DLGAP1: variants seen among roughly 807,000 people sequenced by gnomAD.
DLGAP1 encodes the protein DLG associated protein 1.
Under a neutral mutation model 90.8 loss-of-function variants are expected in DLGAP1, and 11 were observed. That is an observed-to-expected ratio of 0.12 (90% CI 0.08 to 0.20). The LOEUF is 0.20. Among genes scored for constraint, DLGAP1 ranks in the 10% least tolerant of loss-of-function variants. DLGAP1 has a pLI of 1.00. For missense variants in DLGAP1, 1,050 were observed against 1,333.8 expected (o/e 0.79, Z 3.31); for synonymous variants, 558 against 540.7 (o/e 1.03, Z -0.44).
Position 3,879,377 on chromosome 18 carries a change from G to C in DLGAP1, c.692C>G (p.Ser231Trp). The change falls in exon 4 of 13, where the codon TCG (serine) becomes TGG (tryptophan). Residue 231 changes from serine to tryptophan, a missense_variant. Transcript: ENST00000315677. The surrounding 1 kb of genome is among the most constrained non-coding windows in gnomAD (Gnocchi z 6.6). ...VMTMGRCPDR[S>W]ASQYFLEAYN... ...GGCCTCCAGGAAGTACTGTGAGGCC[G>C]AGCGGTCGGGGCACCTGCCCATGGT... 6.2e-7 allele frequency: 1 copy of C among 1,613,368 alleles called. No homozygotes were observed. The highest frequency in any genetic ancestry group is 8.5e-7 in the Non-Finnish European group (1 of 1,179,914).
chr18:4,128,460 ACTG>A (rs2076264058), intron 2 of DLGAP1, among the ~76,000 whole-genome samples: 1 of 152,138 alleles, frequency 6.6e-6, no homozygotes, highest in Non-Finnish European at 1.5e-5. Flanking sequence ...ATCTCCTGCA[ACTG>A]CTGATTCCAC....
chr18:4,335,193 G>T (rs1008439060), intron 1 of DLGAP1, among the ~76,000 whole-genome samples: 1 of 151,990 alleles, frequency 6.6e-6, no homozygotes, highest in African/African-American at 2.4e-5. Flanking sequence ...TCTTATGGGT[G>T]AGAATGTCCA....
At chr18:4,067,692 G>T (rs1283612793) in intron 2 of DLGAP1, among the ~76,000 whole-genome samples, 1 of 151,712 alleles carries the variant, frequency 6.6e-6, no homozygotes, top group Non-Finnish European at 1.5e-5. Flanking sequence ...TCTTAACCCA[G>T]ACACTCTCTT....
chr18:3,699,876 C>T (rs1314631632), intron 7 of DLGAP1, among the ~76,000 whole-genome samples: 4 of 152,308 alleles, frequency 2.6e-5, no homozygotes, highest in African/African-American at 9.6e-5. Flanking sequence ...GCTACAGTGG[C>T]TTTGCTGAGC....
At chr18:3,837,708 T>C (rs1029415753) in intron 4 of DLGAP1, among the ~76,000 whole-genome samples, 2 of 151,418 alleles carry the variant, frequency 1.3e-5, no homozygotes, top group Non-Finnish European at 1.5e-5. Context: ...AAAAATTAGC[T>C]GGGCGTGGTG....
Position 3,526,409 on chromosome 18 carries a change from AG to A in DLGAP1, c.2479+7784del, listed in dbSNP as rs1298736791. 6.6e-6 allele frequency among the ~76,000 whole-genome samples: 1 copy of A among 152,218 alleles called. No individual in the cohort carries two copies. The highest frequency in any genetic ancestry group is 2.4e-5 in the African/African-American group (1 of 41,468). On this transcript the variant is annotated intron_variant, in intron 10 of 12. Transcript: ENST00000315677. This position sits in a 1 kb window ranked among gnomAD's most constrained non-coding sequence, Gnocchi z 4.7. ...AGTTTCCGTAACCAAACCTGAAACC[AG>A]GCAAACCCCATTTCAGGTGTCATTA...
chr18:4,200,139 T>C (rs189146981), intron 1 of DLGAP1, among the ~76,000 whole-genome samples: 6 of 152,308 alleles, frequency 3.9e-5, no homozygotes, highest in African/African-American at 1.4e-4. Context: ...CGTATGTTTG[T>C]ATAATATTTC....
At chr18:3,874,676 A>G in intron 4 of DLGAP1, 1 of 1,535,526 alleles carries the variant, frequency 6.5e-7, no homozygotes, top group Non-Finnish European at 8.7e-7. Flanking sequence ...CTCAACTGAG[A>G]ATTAAACAGT....
intron 2 of DLGAP1, among the ~76,000 whole-genome samples, chr18:4,087,409 C>T (rs1432425398): frequency 6.6e-6 from 1 of 152,180 alleles, no homozygotes; most frequent in Non-Finnish European, 1.5e-5. Context: ...AAACCACAAA[C>T]AATAGCATGA....
intron 9 of DLGAP1, among the ~76,000 whole-genome samples, chr18:3,542,581 A>T (rs1216058303): frequency 2.0e-5 from 3 of 152,232 alleles, no homozygotes; most frequent in Admixed American, 2.0e-4. Flanking sequence ...CCAGAAAAAT[A>T]ACATCCTGGA....
At chr18:4,235,716 T>C (rs916858235) in intron 1 of DLGAP1, among the ~76,000 whole-genome samples, 1 of 136,990 alleles carries the variant, frequency 7.3e-6, no homozygotes, top group Non-Finnish European at 1.6e-5. Flanking sequence ...TCAATTTCAA[T>C]GTCTTTTTTT....
intron 7 of DLGAP1, among the ~76,000 whole-genome samples, chr18:3,599,297 G>A (rs2056768319): frequency 6.6e-6 from 1 of 152,214 alleles, no homozygotes; most frequent in Admixed American, 6.5e-5. Context: ...AGGAAGTCAG[G>A]ATCTCAATTT....
At chr18:4,398,100 ATTAATG>A (rs1334125295) in intron 1 of DLGAP1, among the ~76,000 whole-genome samples, 4 of 152,214 alleles carry the variant, frequency 2.6e-5, no homozygotes. Flanking sequence ...GTATATCAAA[ATTAATG>A]TTAATAAATA....
intron 3 of DLGAP1, among the ~76,000 whole-genome samples, chr18:3,959,315 C>T (rs527821302): frequency 3.0e-4 from 46 of 152,206 alleles, no homozygotes; most frequent in Middle Eastern, 3.4e-3. Flanking sequence ...CTCTTTTGCA[C>T]AGTTTTTCTT....
chr18:3,993,703 G>A (rs185036669), intron 3 of DLGAP1, among the ~76,000 whole-genome samples: 2 of 152,242 alleles, frequency 1.3e-5, no homozygotes, highest in Admixed American at 6.5e-5. Flanking sequence ...GCTTTAATGG[G>A]ACCTCCTAAG....
chr18:3,539,309 C>G (rs907068742), intron 9 of DLGAP1, among the ~76,000 whole-genome samples: 1 of 152,112 alleles, frequency 6.6e-6, no homozygotes, highest in Admixed American at 6.5e-5. Flanking sequence ...AAAGCTGAAC[C>G]CAGTGGCTTG....
In DLGAP1 at chr18:3,982,738, G is replaced by A. The variant is rs192285751; in HGVS notation, c.-73+22378C>T. Among the ~76,000 whole-genome samples, 41 of 152,220 alleles carry A rather than the reference G, an allele frequency of 2.7e-4. No homozygotes were observed. The East Asian group carries it at 7.7e-3, about 29-fold the overall frequency. On this transcript the variant is annotated intron_variant, in intron 3 of 12. Coordinates refer to ENST00000315677, the MANE Select transcript of DLGAP1 (RefSeq NM_004746.4). Reference sequence around the variant, plus strand: ...TCAGTGATGGCAAGAAGCCCATTTTGTACTGGTTGGTATATTCTACAACAT... The same window carrying A: ...TCAGTGATGGCAAGAAGCCCATTTTATACTGGTTGGTATATTCTACAACAT...
At chr18:4,128,175 GA>G (rs2076259132) in intron 2 of DLGAP1, among the ~76,000 whole-genome samples, 1 of 150,584 alleles carries the variant, frequency 6.6e-6, no homozygotes, top group Non-Finnish European at 1.5e-5. Context: ...AAACATTCAG[GA>G]AAAAAATTGC....
intron 1 of DLGAP1, among the ~76,000 whole-genome samples, chr18:4,157,955 A>G (rs73369045): frequency 0.025 from 3,736 of 152,236 alleles, 160 homozygotes; most frequent in African/African-American, 0.084. Flanking sequence ...TCTTCCTTGA[A>G]TAATTCCCTG....
Sources: gnomAD v4.1 joint callset for allele counts (sites outside exome capture counted in the v4.1 genomes callset) on GRCh38, gnomAD v4.1.1 for gene constraint, Gnocchi (gnomAD v3.1) non-coding constraint, MANE v1.5 for transcripts, NCBI Gene and HGNC (gene_info 2026-07-23, HGNC 2026-07-21) for gene names.